SDAD1: variants seen among roughly 807,000 people sequenced by gnomAD.
SDAD1 encodes the protein SDA1 domain containing 1.
SDAD1 carries 79 observed loss-of-function variants against 100.3 expected under a neutral mutation model. The ratio of observed to expected loss-of-function variants is 0.79; its 90% CI spans 0.66 to 0.95. SDAD1 has a LOEUF of 0.95. SDAD1 is among the 40% of genes least tolerant of loss of function. The pLI is 0.00. For synonymous variants in SDAD1, 267 were observed against 271.4 expected, an observed-to-expected ratio of 0.98 and a Z score of 0.16; for missense variants, 790 against 810.9, an observed-to-expected ratio of 0.97 and a Z score of 0.31.
In SDAD1 at chr4:75,964,132, T is replaced by C. The variant is rs1401000816; in HGVS notation, c.1181+3A>G. ...CTTCTGCCTCCAACCAGATTCTACA[T>C]ACCCTACTGTCATGACTTCTCCAGA... On this transcript the variant is annotated splice_donor_region_variant and intron_variant, in intron 14 of 21. Transcript: ENST00000356260. 2 of 1,599,412 alleles carry C rather than the reference T, an allele frequency of 1.3e-6. No homozygotes were observed. The highest frequency in any genetic ancestry group is 1.3e-5 in the African/African-American group (1 of 74,534).
rs184595872 is a variant in SDAD1, at chr4:75,977,820, G to A, written c.295-64C>T. Reference sequence around the variant, plus strand: ...AGTTAACAAGGTGAGAAAATACAGCGTATATGTCCCAAGACCTTAATGTCT... The same window carrying A: ...AGTTAACAAGGTGAGAAAATACAGCATATATGTCCCAAGACCTTAATGTCT... On this transcript the variant is annotated intron_variant, in intron 3 of 21. Transcript: ENST00000356260. 589 of 942,826 alleles carry A rather than the reference G, an allele frequency of 6.2e-4. 7 individuals carry two copies. In the Middle Eastern group the frequency reaches 7.4e-3, roughly 12 times the overall value. 58.4% of individuals were successfully genotyped at this position (942,826 alleles called of 1,614,324 possible).
intron 6 of SDAD1, among the ~76,000 whole-genome samples, chr4:75,974,402 C>CAA (rs36025367): frequency 1.4e-4 from 16 of 110,888 alleles, no homozygotes; most frequent in South Asian, 3.0e-4. Context: ...TAGTCAAGTG[C>CAA]AAAAAAAAAA....
intron 1 of SDAD1, among the ~76,000 whole-genome samples, chr4:75,984,773 ACACAAAC>A (rs1730776731): frequency 7.4e-6 from 1 of 134,938 alleles, no homozygotes; most frequent in African/African-American, 3.0e-5. Context: ...ACACACACAC[ACACAAAC>A]ACACACACAC....
In SDAD1 at chr4:75,981,878, C is replaced by G. The variant is rs1179465715; in HGVS notation, c.195+55G>C. 8 of 1,218,252 alleles carry G rather than the reference C, an allele frequency of 6.6e-6. No individual in the cohort carries two copies. In the Admixed American group the frequency reaches 1.6e-4, roughly 25 times the overall value. 75.5% of individuals were successfully genotyped at this position (1,218,252 alleles called of 1,614,324 possible). A position where few individuals can be genotyped will look rare whatever the true frequency, so the allele number is the denominator to read the frequency against. The stretch of plus-strand genomic sequence containing the variant: ...ATAAGGTTGAGTATTAGTGAAAAAA[C>G]ATTCAGCAAACTGTGTGTTAATACT... On this transcript the variant is annotated intron_variant, in intron 2 of 21. Transcript: ENST00000356260.
At chr4:75,979,858 T>A (rs1408377058) in intron 3 of SDAD1, among the ~76,000 whole-genome samples, 1 of 152,118 alleles carries the variant, frequency 6.6e-6, no homozygotes, top group East Asian at 1.9e-4. Flanking sequence ...AGAGGTGGGA[T>A]CTTGCTATGT....
At chr4:75,951,730 CA>C (rs1242288290) in intron 21 of SDAD1, among the ~76,000 whole-genome samples, 7 of 152,102 alleles carry the variant, frequency 4.6e-5, no homozygotes, top group Admixed American at 4.6e-4. Context: ...TAAAGTTTTA[CA>C]TGTCAAAAGA....
chr4:75,959,160 T>C (rs1729092745), intron 17 of SDAD1, among the ~76,000 whole-genome samples: 2 of 141,688 alleles, frequency 1.4e-5, no homozygotes, highest in African/African-American at 2.7e-5. Flanking sequence ...TGGACCTGAC[T>C]GCTCTCCTGC....
rs1730518641 is a variant in SDAD1, at chr4:75,981,585, G to C, written c.196-115C>G. Reference sequence around the variant, plus strand: ...TAAAAGGCTATGTTTCATAGAAGTAGATGGTTCCAAACAACCTTCTTTTCC... The same window carrying C: ...TAAAAGGCTATGTTTCATAGAAGTACATGGTTCCAAACAACCTTCTTTTCC... On this transcript the variant is annotated intron_variant, in intron 2 of 21. Transcript: ENST00000356260. The C allele has an allele frequency of 2.0e-6, 3 of 1,535,302 alleles. No homozygotes were observed. In the East Asian group the frequency reaches 7.3e-5, roughly 37 times the overall value.
At chr4:75,969,003 C>T (rs1270488220) in intron 11 of SDAD1, among the ~76,000 whole-genome samples, 7 of 128,458 alleles carry the variant, frequency 5.4e-5, no homozygotes, top group Non-Finnish European at 1.1e-4. Flanking sequence ...TGCACTCCAG[C>T]CTGGGCAATA....
chr4:75,972,310 T>C (rs114037985), intron 8 of SDAD1, among the ~76,000 whole-genome samples: 81 of 152,116 alleles, frequency 5.3e-4, no homozygotes, highest in African/African-American at 2.0e-3. Flanking sequence ...GCTTTGTTCT[T>C]TCATTCTTCA....
intron 11 of SDAD1, among the ~76,000 whole-genome samples, chr4:75,967,637 G>A (rs1729621760): frequency 1.3e-5 from 2 of 152,216 alleles, no homozygotes; most frequent in South Asian, 2.1e-4. Flanking sequence ...TGGTGTGGCT[G>A]CAGAAACTAA....
At chr4:75,990,710 T>C (rs1578160041) in intron 1 of SDAD1, 42 bp downstream of exon 1, 1 of 1,612,398 alleles carries the variant, frequency 6.2e-7, no homozygotes, top group Non-Finnish European at 8.5e-7. Flanking sequence ...GTCTCAACCA[T>C]CCACTATCCG....
intron 9 of SDAD1, among the ~76,000 whole-genome samples, chr4:75,970,685 G>A (rs1028967490): frequency 1.3e-5 from 2 of 152,156 alleles, no homozygotes; most frequent in Non-Finnish European, 2.9e-5. Context: ...CCTGCATGTC[G>A]AGGGAAGGAC....
At chr4:75,951,357 C>T (rs1410325128) in intron 21 of SDAD1, among the ~76,000 whole-genome samples, 1 of 152,094 alleles carries the variant, frequency 6.6e-6, no homozygotes, top group Non-Finnish European at 1.5e-5. Flanking sequence ...AGAAAATGTT[C>T]TAAGTATATG....
At chr4:75,982,863 G>GT (rs1319461895) in intron 1 of SDAD1, among the ~76,000 whole-genome samples, 2 of 151,656 alleles carry the variant, frequency 1.3e-5, no homozygotes. Flanking sequence ...TGTTACACAG[G>GT]TATACATGTG....
chr4:75,986,117 T>C (rs1247881588), intron 1 of SDAD1, among the ~76,000 whole-genome samples: 4 of 152,182 alleles, frequency 2.6e-5, no homozygotes, highest in Non-Finnish European at 5.9e-5. Context: ...ATTTTATTTT[T>C]TTCATTTTAA....
In SDAD1 at chr4:75,962,343, G is replaced by C. The variant is rs191400007; in HGVS notation, c.1182-1035C>G. On this transcript the variant is annotated intron_variant, in intron 14 of 21. Transcript: ENST00000356260. ...TTCCAAGTCTTTGCTATTGTGAATAGTGCTGCAATAAACATATGTGTGCAT... is the reference window on the plus strand; with the variant it reads ...TTCCAAGTCTTTGCTATTGTGAATACTGCTGCAATAAACATATGTGTGCAT... 1.1e-3 allele frequency among the ~76,000 whole-genome samples: 161 copies of C among 152,300 alleles called. 1 individual carries two copies. The highest frequency in any genetic ancestry group is 3.7e-3 in the African/African-American group (153 of 41,562).
At chr4:75,951,786 A>C (rs1578107198) in intron 21 of SDAD1, among the ~76,000 whole-genome samples, 1 of 152,206 alleles carries the variant, frequency 6.6e-6, no homozygotes, top group East Asian at 1.9e-4. Flanking sequence ...ACCAAAATTA[A>C]AGTTAACCAA....
chr4:75,976,061 G>C lies in SDAD1; in HGVS notation c.406-66C>G. On this transcript the variant is annotated intron_variant, in intron 4 of 21. Coordinates refer to ENST00000356260, the MANE Select transcript of SDAD1 (RefSeq NM_018115.4). ...AACATTTTTAACCTTGCTAAATTTG[G>C]AGAACAGTATGAATGTACAGGATGA... 12 of 1,021,846 alleles carry C rather than the reference G, an allele frequency of 1.2e-5. No homozygotes were observed. In the South Asian group the frequency reaches 1.7e-4, roughly 15 times the overall value. The allele number at this position is 1,021,846 out of a possible 1,614,324, so 63.3% of individuals were successfully genotyped here.
Sources: allele counts gnomAD v4.1 joint callset (sites outside exome capture counted in the v4.1 genomes callset), GRCh38; gene constraint gnomAD v4.1.1; transcripts MANE v1.5; gene names NCBI Gene and HGNC (gene_info 2026-07-23, HGNC 2026-07-21).